Variants in GATD3 observed in about 807,000 individuals in gnomAD.
GATD3 encodes glutamine amidotransferase class 1 domain containing 3.
the GATD3 span, among the ~76,000 whole-genome samples, chr21:44,142,666 G>A: frequency 1.3e-5 from 1 of 75,902 alleles, no homozygotes; most frequent in South Asian, 3.4e-4. Flanking sequence ...TCAGGGGCGT[G>A]CGTCCACCAG....
At chr21:44,142,742 C>T in the GATD3 span, among the ~76,000 whole-genome samples, 26 of 75,560 alleles carry the variant, frequency 3.4e-4, 7 homozygotes, top group South Asian at 9.1e-3. Flanking sequence ...CCCGTTGTGC[C>T]TCCTGTAGAA....
chr21:44,139,652 G>A, the GATD3 span, among the ~76,000 whole-genome samples: 82 of 74,086 alleles, frequency 1.1e-3, 16 homozygotes, highest in African/African-American at 2.4e-3. Context: ...GACACATACC[G>A]GTAAACTGTC....
Sources: gnomAD v4.1 joint callset for allele counts (sites outside exome capture counted in the v4.1 genomes callset) on GRCh38, gnomAD v4.1.1 for gene constraint, MANE v1.5 for transcripts, NCBI Gene and HGNC (gene_info 2026-07-23, HGNC 2026-07-21) for gene names.